NEK11: variants seen among roughly 807,000 people sequenced by gnomAD.
NEK11 encodes the protein NIMA related kinase 11, also known as serine/threonine-protein kinase Nek11.
NEK11 carries 72 observed loss-of-function variants against 80.7 expected under a neutral mutation model. The observed-to-expected ratio is 0.89, with a 90% CI of 0.74 to 1.08. The LOEUF (loss-of-function observed/expected upper bound fraction) is 1.08. NEK11 is among the 50% of genes least tolerant of loss of function. NEK11 has a pLI of 0.00. For synonymous variants in NEK11, 251 were observed against 260.7 expected (o/e 0.96, Z 0.36); for missense variants, 764 against 763.6 (o/e 1.00, Z -0.01).
intron 14 of NEK11, among the ~76,000 whole-genome samples, chr3:131,220,947 CTGAGATA>C (rs1279736335): frequency 2.0e-5 from 3 of 152,076 alleles, no homozygotes; most frequent in Non-Finnish European, 4.4e-5. Context: ...ATGACTACAT[CTGAGATA>C]TAAGTTCAAA....
In NEK11 at chr3:131,237,867, C is replaced by T. The variant is rs143372724; in HGVS notation, c.1561-5569C>T. Among the ~76,000 whole-genome samples, 193 of 152,300 alleles carry T rather than the reference C, an allele frequency of 1.3e-3. 1 individual carries two copies. The highest frequency in any genetic ancestry group is 1.8e-3 in the Non-Finnish European group (125 of 68,020). On this transcript the variant is annotated intron_variant, in intron 15 of 17. Transcript: ENST00000383366. ...TTAAAGTATACTTGGAATTTGACCA[C>T]TACTTACTACCTGCATTCCTACTGC...
intron 17 of NEK11, among the ~76,000 whole-genome samples, chr3:131,286,049 A>G (rs2096466172): frequency 6.6e-6 from 1 of 152,240 alleles, no homozygotes; most frequent in South Asian, 2.1e-4. Context: ...TGGTCACCCA[A>G]TAAATACCAT....
At chr3:131,109,066 T>C (rs556705772) in intron 4 of NEK11, among the ~76,000 whole-genome samples, 1 of 152,252 alleles carries the variant, frequency 6.6e-6, no homozygotes, top group African/African-American at 2.4e-5. Context: ...TTATTGCTAG[T>C]TTTATGTGGG....
chr3:131,161,810 G>A lies in NEK11; in HGVS notation c.963-598G>A, dbSNP rs191643118. 1.8e-4 allele frequency among the ~76,000 whole-genome samples: 27 copies of A among 152,180 alleles called. No homozygotes were observed. The East Asian group carries it at 3.7e-3, about 21-fold the overall frequency. On this transcript the variant is annotated intron_variant, in intron 10 of 17. Transcript: ENST00000383366. ...TTGAGTTTACCTATATAACAAACCTGCACATGCATCCCTGAACTTTAAATA... is the reference window on the plus strand; with the variant it reads ...TTGAGTTTACCTATATAACAAACCTACACATGCATCCCTGAACTTTAAATA...
chr3:131,215,988 C>G (rs2094821941), intron 14 of NEK11, among the ~76,000 whole-genome samples: 4 of 152,168 alleles, frequency 2.6e-5, no homozygotes, highest in Admixed American at 2.6e-4. Flanking sequence ...CTATTGAGCA[C>G]TTGAAAAGTA....
At chr3:131,090,015 T>TTTTTTG (rs1457039116) in intron 4 of NEK11, among the ~76,000 whole-genome samples, 1 of 151,842 alleles carries the variant, frequency 6.6e-6, no homozygotes, top group African/African-American at 2.4e-5. Flanking sequence ...TTGCAGGGGT[T>TTTTTTG]TTTTTGTTTT....
chr3:131,146,744 A>T (rs1489053975), intron 7 of NEK11, among the ~76,000 whole-genome samples: 1 of 151,944 alleles, frequency 6.6e-6, no homozygotes, highest in African/African-American at 2.4e-5. Flanking sequence ...CATTCTGATG[A>T]GTGTGTAGCA....
intron 14 of NEK11, among the ~76,000 whole-genome samples, chr3:131,210,720 T>C (rs964304674): frequency 6.6e-6 from 1 of 152,228 alleles, no homozygotes; most frequent in Admixed American, 6.5e-5. Flanking sequence ...CCATTTACCA[T>C]TATGTAATGG....
intron 17 of NEK11, among the ~76,000 whole-genome samples, chr3:131,315,475 G>GTGTT (rs35466038): frequency 0.27 from 40,969 of 151,114 alleles, 6,595 homozygotes; most frequent in Middle Eastern, 0.47. Flanking sequence ...TCCTGTGTGT[G>GTGTT]TGTGTGTGTG....
At chr3:131,228,048 T>C (rs2095248053) in intron 14 of NEK11, among the ~76,000 whole-genome samples, 1 of 152,110 alleles carries the variant, frequency 6.6e-6, no homozygotes, top group Non-Finnish European at 1.5e-5. Flanking sequence ...ATATATCCTA[T>C]TCATCTTGTT....
At position 131,165,282 on chromosome 3, in the gene NEK11, C is replaced by G. The variant is rs1020711467; in HGVS notation, c.1083-144C>G. On this transcript the variant is annotated intron_variant, in intron 11 of 17. Coordinates refer to ENST00000383366, the MANE Select transcript of NEK11 (RefSeq NM_024800.5). ...AATCAGCCGGGTGCTGCACCACATT[C>G]ACCTTGATGAGGAAGAGACCTGATG... 2.0e-5 allele frequency: 12 copies of G among 596,956 alleles called. No individual in the cohort carries two copies. The Admixed American group carries it at 3.5e-4, about 17-fold the overall frequency. The allele number at this position is 596,956 out of a possible 1,614,324, so 37.0% of individuals were successfully genotyped here. A position where few individuals can be genotyped will look rare whatever the true frequency, so the allele number is the denominator to read the frequency against.
At chr3:131,330,006 G>A (rs1033567942) in intron 17 of NEK11, 3 of 152,256 alleles carry the variant, frequency 2.0e-5, no homozygotes, top group Admixed American at 6.5e-5. Context: ...AGTAGTGAGG[G>A]TAGAAGCAGG....
At chr3:131,125,299 G>A (rs376727418) in intron 5 of NEK11, among the ~76,000 whole-genome samples, 1 of 152,098 alleles carries the variant, frequency 6.6e-6, no homozygotes, top group Admixed American at 6.5e-5. Context: ...GAATAAAGCT[G>A]GATGGTTGAG....
At chr3:131,181,741 G>A (rs2093362874) in intron 14 of NEK11, among the ~76,000 whole-genome samples, 1 of 60,940 alleles carries the variant, frequency 1.6e-5, no homozygotes, top group Non-Finnish European at 2.8e-5. Flanking sequence ...GCGAGACTCC[G>A]CCTCAAAAAA....
chr3:131,212,715 C>T (rs1456636811), intron 14 of NEK11, among the ~76,000 whole-genome samples: 7 of 152,176 alleles, frequency 4.6e-5, no homozygotes, highest in Admixed American at 3.3e-4. Context: ...CTTTTGCAGC[C>T]TGCATGGAAG....
chr3:131,130,912 C>T (rs1319920297), intron 5 of NEK11, among the ~76,000 whole-genome samples: 1 of 152,218 alleles, frequency 6.6e-6, no homozygotes, highest in African/African-American at 2.4e-5. Flanking sequence ...AGCGATTCTC[C>T]TGCCACAGCC....
chr3:131,210,682 G>A (rs967541139), intron 14 of NEK11, among the ~76,000 whole-genome samples: 5 of 152,138 alleles, frequency 3.3e-5, no homozygotes, highest in African/African-American at 1.2e-4. Flanking sequence ...ATATATTTAG[G>A]ATAGTTAGCT....
chr3:131,268,580 C>T (rs2096111957), intron 16 of NEK11, among the ~76,000 whole-genome samples: 1 of 152,226 alleles, frequency 6.6e-6, no homozygotes, highest in Non-Finnish European at 1.5e-5. Context: ...ACCCTGTTTG[C>T]CTGAGTACCA....
intron 3 of NEK11, among the ~76,000 whole-genome samples, chr3:131,064,393 T>C (rs1023517689): frequency 6.6e-6 from 1 of 152,210 alleles, no homozygotes; most frequent in East Asian, 1.9e-4. Context: ...TGCTCTGTTT[T>C]CACATGGCCT....
Sources: allele counts gnomAD v4.1 joint callset (sites outside exome capture counted in the v4.1 genomes callset), GRCh38; gene constraint gnomAD v4.1.1; transcripts MANE v1.5; gene names NCBI Gene and HGNC (gene_info 2026-07-23, HGNC 2026-07-21).